The following RBFOX1 variants were observed in gnomAD, a reference collection of about 807,000 sequenced individuals.
The protein encoded by RBFOX1 is RNA binding protein fox-1 homolog 1.
A neutral mutation model predicts 57.7 loss-of-function variants in RBFOX1; 8 were observed. The observed-to-expected ratio is 0.14, with a 90% confidence interval of 0.08 to 0.25. The LOEUF (loss-of-function observed/expected upper bound fraction) is 0.25, where lower values mean the gene tolerates loss of function less well. Among genes scored for constraint, RBFOX1 ranks in the 10% least tolerant of loss-of-function variants. The pLI, the probability that RBFOX1 is intolerant of heterozygous loss-of-function variation, is 1.00. For synonymous variants in RBFOX1, 326 were observed against 222.4 expected (o/e 1.47, Z -4.15); for missense variants, 611 against 548.5 (o/e 1.11, Z -1.14).
intron 2 of RBFOX1, among the ~76,000 whole-genome samples, chr16:6,320,636 G>C (rs184782263): frequency 1.8e-4 from 28 of 152,132 alleles, no homozygotes; most frequent in African/African-American, 6.3e-4. Flanking sequence ...CCTGCTAAGA[G>C]AATAGATAAG....
At chr16:7,115,009 T>C (rs1275902572) in intron 4 of RBFOX1, among the ~76,000 whole-genome samples, 1 of 152,202 alleles carries the variant, frequency 6.6e-6, no homozygotes, top group East Asian at 1.9e-4. Flanking sequence ...GTATTTACTC[T>C]TTAGCTCCTT....
chr16:6,413,248 G>A (rs1825927446), intron 2 of RBFOX1, among the ~76,000 whole-genome samples: 1 of 150,586 alleles, frequency 6.6e-6, no homozygotes, highest in South Asian at 2.1e-4. Flanking sequence ...GAACCCGGAA[G>A]GCAGAGGTTG....
At chr16:5,896,629 A>G (rs2058169890) in intron 4 of RBFOX1, among the ~76,000 whole-genome samples, 1 of 152,190 alleles carries the variant, frequency 6.6e-6, no homozygotes, top group Non-Finnish European at 1.5e-5. Flanking sequence ...AGCCTCAGGT[A>G]TTCCTTTATG....
At chr16:6,860,889 A>G (rs908356846) in intron 3 of RBFOX1, among the ~76,000 whole-genome samples, 1 of 152,202 alleles carries the variant, frequency 6.6e-6, no homozygotes, top group Non-Finnish European at 1.5e-5. Flanking sequence ...AGATATTCCA[A>G]AATATACATT....
intron 4 of RBFOX1, among the ~76,000 whole-genome samples, chr16:7,089,357 G>T (rs1328026160): frequency 6.6e-6 from 1 of 152,170 alleles, no homozygotes; most frequent in Admixed American, 6.5e-5. Flanking sequence ...GACAGTGGAG[G>T]TTGAAGCAAT....
rs563154732 is a variant in RBFOX1 at position 6,104,112 on chromosome 16, C to G, written c.-127+84120C>G. ...GTCATAGCCTTCTAATTAGGGACATCATAGGTTTCTCCCAGTTGAAACACA... is the reference window on the plus strand; with the variant it reads ...GTCATAGCCTTCTAATTAGGGACATGATAGGTTTCTCCCAGTTGAAACACA... On this transcript the variant is annotated intron_variant, in intron 1 of 15. Coordinates refer to ENST00000550418, the MANE Select transcript of RBFOX1 (RefSeq NM_018723.4). Among the ~76,000 whole-genome samples, 5 of 150,760 alleles carry G rather than the reference C, an allele frequency of 3.3e-5. No homozygotes were observed. In the East Asian group the frequency reaches 7.8e-4, roughly 23 times the overall value.
chr16:6,878,371 T>C (rs1492381), intron 3 of RBFOX1, among the ~76,000 whole-genome samples: 37,638 of 152,052 alleles, frequency 0.25, 4,834 homozygotes, highest in African/African-American at 0.31. Flanking sequence ...ATTTCTTATC[T>C]CTCTGATATG....
intron 5 of RBFOX1, among the ~76,000 whole-genome samples, chr16:7,553,488 TC>T (rs1158272570): frequency 6.6e-6 from 1 of 152,162 alleles, no homozygotes; most frequent in Non-Finnish European, 1.5e-5. Context: ...CCTAAGATCT[TC>T]CATAACAATT....
At chr16:5,868,152 T>C (rs1004120380) in intron 4 of RBFOX1, among the ~76,000 whole-genome samples, 6 of 152,192 alleles carry the variant, frequency 3.9e-5, no homozygotes, top group African/African-American at 1.4e-4. Context: ...CATGTTGTAA[T>C]GTAATGGGCT....
chr16:5,801,206 A>G (rs886501094), intron 3 of RBFOX1, among the ~76,000 whole-genome samples: 1 of 152,224 alleles, frequency 6.6e-6, no homozygotes, highest in Non-Finnish European at 1.5e-5. Context: ...GTAGCACATT[A>G]ATGTATTTTA....
At chr16:6,869,889 G>A (rs967675775) in intron 3 of RBFOX1, among the ~76,000 whole-genome samples, 23 of 152,048 alleles carry the variant, frequency 1.5e-4, no homozygotes, top group African/African-American at 2.7e-4. Flanking sequence ...ATGTCTCCCC[G>A]CAGTAAAAGC....
intron 4 of RBFOX1, among the ~76,000 whole-genome samples, chr16:6,011,908 C>G (rs941874034): frequency 6.6e-6 from 1 of 152,114 alleles, no homozygotes; most frequent in African/African-American, 2.4e-5. Flanking sequence ...ACACTCAGCC[C>G]AATATGAAGC....
intron 3 of RBFOX1, among the ~76,000 whole-genome samples, chr16:5,668,413 C>A (rs979200756): frequency 1.3e-5 from 2 of 152,290 alleles, no homozygotes; most frequent in Non-Finnish European, 2.9e-5. Context: ...CTTTAGAAAC[C>A]TGTGAGAAAG....
intron 4 of RBFOX1, among the ~76,000 whole-genome samples, chr16:7,517,561 C>G (rs996554745): frequency 6.6e-6 from 1 of 151,820 alleles, no homozygotes; most frequent in African/African-American, 2.4e-5. Context: ...GACACACACA[C>G]ACACACACAC....
chr16:5,297,904 G>C (rs1162016537), intron 1 of RBFOX1, among the ~76,000 whole-genome samples: 2 of 152,176 alleles, frequency 1.3e-5, no homozygotes, highest in South Asian at 2.1e-4. Flanking sequence ...AAGTCTGTTA[G>C]GTATTAATGT....
intron 1 of RBFOX1, among the ~76,000 whole-genome samples, chr16:5,376,110 G>T (rs2065976893): frequency 6.6e-6 from 1 of 151,788 alleles, no homozygotes; most frequent in Admixed American, 6.6e-5. Flanking sequence ...AGAGGTTGCA[G>T]TGAGCTGAAA....
intron 10 of RBFOX1, among the ~76,000 whole-genome samples, chr16:7,610,041 C>T (rs766046463): frequency 6.6e-6 from 1 of 150,738 alleles, no homozygotes; most frequent in Non-Finnish European, 1.5e-5. Context: ...TGGTCTCCAT[C>T]TCCTGACCTC....
In RBFOX1 at chr16:7,579,773, T is replaced by G. The variant is rs749852826; in HGVS notation, c.271-4T>G. The G allele has an allele frequency of 1.9e-5, 31 of 1,613,926 alleles. No individual in the cohort carries two copies. Among genetic ancestry groups the G allele is most frequent in the Non-Finnish European group, 2.4e-5 (28 of 1,179,972 alleles). ...ACCTCTTCGGTTTCTTCTTGTTCTTTTAGCAGACAGATGACGCAGCACCGA... is the reference window on the plus strand; with the variant it reads ...ACCTCTTCGGTTTCTTCTTGTTCTTGTAGCAGACAGATGACGCAGCACCGA... On this transcript the variant is annotated splice_region_variant and splice_polypyrimidine_tract_variant and intron_variant, in intron 5 of 15. Coordinates refer to ENST00000550418, the MANE Select transcript of RBFOX1 (RefSeq NM_018723.4).
In RBFOX1 at chr16:6,509,807, T is replaced by C. The variant is rs73528459; in HGVS notation, c.-63-144796T>C. On this transcript the variant is annotated intron_variant, in intron 2 of 15. Transcript: ENST00000550418. ...AAATATCTCATGTAACTCATAAATA[T>C]ATACACTTACCATGTTCTCCCAAAC... Among the ~76,000 whole-genome samples the C allele has an allele frequency of 6.3e-3, 954 of 152,324 alleles. 19 individuals are homozygous for C. Among genetic ancestry groups the C allele is most frequent in the African/African-American group, 0.022 (909 of 41,580 alleles).
Sources: allele counts gnomAD v4.1 joint callset (sites outside exome capture counted in the v4.1 genomes callset), GRCh38; gene constraint gnomAD v4.1.1; transcripts MANE v1.5; gene names NCBI Gene and HGNC (gene_info 2026-07-23, HGNC 2026-07-21).